The following GSE1 variants were observed in gnomAD, a reference collection of about 807,000 sequenced individuals.
GSE1 encodes the protein Gse1 coiled-coil protein, also known as genetic suppressor element 1.
Under a neutral mutation model 112.6 loss-of-function variants are expected in GSE1, and 32 were observed. That is an observed-to-expected ratio of 0.28 (90% CI 0.21 to 0.38). The LOEUF (loss-of-function observed/expected upper bound fraction) is 0.38, where lower values mean the gene tolerates loss of function less well. Among genes scored for constraint, GSE1 ranks in the 10% least tolerant of loss-of-function variants. The probability of loss-of-function intolerance (pLI) is 1.00; values close to 1 mark genes in which losing one functional copy is unlikely to be tolerated. For synonymous variants in GSE1, 1,115 were observed against 735.6 expected (o/e 1.52, Z -8.35); for missense variants, 2,348 against 1,699.2 (o/e 1.38, Z -6.71).
chr16:85,186,557 C>T (rs536188884), intron 1 of GSE1, among the ~76,000 whole-genome samples: 2 of 150,774 alleles, frequency 1.3e-5, no homozygotes, highest in African/African-American at 4.9e-5. Context: ...GAGCCGAGAT[C>T]GTGCCACTGT....
chr16:85,444,593 G>A (rs1464481318), intron 2 of GSE1, among the ~76,000 whole-genome samples: 2 of 152,190 alleles, frequency 1.3e-5, no homozygotes, highest in Non-Finnish European at 2.9e-5. Context: ...CAGCTTGGCA[G>A]TGCCCTGGTT....
intron 2 of GSE1, among the ~76,000 whole-genome samples, chr16:85,646,890 C>G (rs2151859107): frequency 9.7e-6 from 1 of 103,024 alleles, no homozygotes; most frequent in East Asian, 3.0e-4. Flanking sequence ...ATCCCCACAA[C>G]AAGGGGGGGG....
At chr16:85,608,939 T>C (rs1048120706), upstream of GSE1, among the ~76,000 whole-genome samples, 3 of 152,324 alleles carry the variant, frequency 2.0e-5, no homozygotes, top group Non-Finnish European at 4.4e-5. Context: ...GAGAAGGACC[T>C]TGGGTTAGGC....
chr16:85,184,173 G>A (rs891356788), intron 1 of GSE1, among the ~76,000 whole-genome samples: 5 of 152,172 alleles, frequency 3.3e-5, no homozygotes, highest in Admixed American at 2.6e-4. Flanking sequence ...TGGGGAACAG[G>A]AAGAGTCTTG....
At chr16:85,174,221 T>G (rs774410050) in intron 1 of GSE1, among the ~76,000 whole-genome samples, 10 of 152,154 alleles carry the variant, frequency 6.6e-5, no homozygotes, top group Non-Finnish European at 1.3e-4. Context: ...TGGAGTGAAC[T>G]CCAGGCCTTG....
At chr16:85,447,219 C>T (rs60537544) in intron 2 of GSE1, among the ~76,000 whole-genome samples, 3,052 of 152,228 alleles carry the variant, frequency 0.02, 81 homozygotes, top group African/African-American at 0.07. Context: ...GTGCAGCACC[C>T]CCAGCCCTCC....
Position 85,669,467 on chromosome 16 carries a change from T to TAGCCACAACCAGGA in GSE1, c.3415+1044_3415+1057dup, listed in dbSNP as rs1474412004. ...TCCAAACTAAAAACAAACGCCCATG[T>TAGCCACAACCAGGA]AGCCACAACCAGGACATCAAATCCC... On this transcript the variant is annotated intron_variant, in intron 14 of 15. Transcript: ENST00000253458. 7.9e-4 allele frequency among the ~76,000 whole-genome samples: 120 copies of TAGCCACAACCAGGA among 152,344 alleles called. 1 individual carries two copies. The highest frequency in any genetic ancestry group is 2.1e-4 in the South Asian group (1 of 4,830).
intron 2 of GSE1, among the ~76,000 whole-genome samples, chr16:85,390,453 C>T (rs1294780302): frequency 2.0e-5 from 3 of 152,148 alleles, no homozygotes; most frequent in African/African-American, 7.2e-5. Flanking sequence ...AGCCCTAATT[C>T]TAAGAGCTAG....
In GSE1 at chr16:85,311,950, C is replaced by T. The variant is rs147807959; in HGVS notation, c.2284-45513C>T. Among the ~76,000 whole-genome samples, 802 of 152,302 alleles carry T rather than the reference C, an allele frequency of 5.3e-3. 4 individuals are homozygous for T. The highest frequency in any genetic ancestry group is 0.014 in the Middle Eastern group (4 of 294). Reference sequence around the variant, plus strand: ...GCCCAGCACTGCCCAGCCCCAGCCCCGCACCACTGTCCTCATGTCTGGAGA... The same window carrying T: ...GCCCAGCACTGCCCAGCCCCAGCCCTGCACCACTGTCCTCATGTCTGGAGA... On this transcript the variant is annotated intron_variant, in intron 1 of 2. Transcript: ENST00000637419. The surrounding 1 kb of genome is among the most constrained non-coding windows in gnomAD (Gnocchi z 4.2).
chr16:85,177,427 G>T (rs1380751884), intron 1 of GSE1, among the ~76,000 whole-genome samples: 1 of 152,242 alleles, frequency 6.6e-6, no homozygotes, highest in Non-Finnish European at 1.5e-5. Flanking sequence ...CCTCGGAGAA[G>T]AGCGTTGCAG....
intron 1 of GSE1, among the ~76,000 whole-genome samples, chr16:85,273,062 C>T (rs1445858866): frequency 6.6e-6 from 1 of 152,206 alleles, no homozygotes; most frequent in Non-Finnish European, 1.5e-5. Flanking sequence ...AGGCGTGAGC[C>T]ACTGTGCCCA....
At chr16:85,464,586 G>T (rs1334533856) in intron 2 of GSE1, among the ~76,000 whole-genome samples, 1 of 152,212 alleles carries the variant, frequency 6.6e-6, no homozygotes, top group Non-Finnish European at 1.5e-5. Flanking sequence ...CCCCCGAGGG[G>T]TGATGGTCAT....
chr16:85,213,528 T>C (rs1381835704), intron 1 of GSE1, among the ~76,000 whole-genome samples: 1 of 152,236 alleles, frequency 6.6e-6, no homozygotes, highest in African/African-American at 2.4e-5. Flanking sequence ...TACTTTGTCA[T>C]TGCCATGCTT....
At chr16:85,195,436 C>T (rs1358633662) in intron 1 of GSE1, among the ~76,000 whole-genome samples, 2 of 152,182 alleles carry the variant, frequency 1.3e-5, no homozygotes, top group Non-Finnish European at 2.9e-5. Flanking sequence ...AGCAGCTTTG[C>T]AGCTTCCCAT....
intron 2 of GSE1, among the ~76,000 whole-genome samples, chr16:85,365,823 A>G (rs188727016): frequency 1.6e-4 from 25 of 152,290 alleles, no homozygotes; most frequent in Admixed American, 1.6e-3. Context: ...CAGTGTGCAT[A>G]CCTGGACTCC....
At chr16:85,217,045 T>C (rs781051123) in intron 1 of GSE1, among the ~76,000 whole-genome samples, 2 of 152,166 alleles carry the variant, frequency 1.3e-5, no homozygotes, top group African/African-American at 2.4e-5. Flanking sequence ...TGGCTTGGAT[T>C]TGGGGCCTTG....
rs117501324 is a variant in GSE1 at position 85,359,763 on chromosome 16, C to T, written c.2464+2120C>T. 8.6e-4 allele frequency among the ~76,000 whole-genome samples: 131 copies of T among 152,154 alleles called. 1 individual carries two copies. The highest frequency in any genetic ancestry group is 1.6e-3 in the Non-Finnish European group (111 of 67,990). Reference sequence around the variant, plus strand: ...GGGGCACGAACCCCGACGTCTGGCTCCCGCGCCGAACTCACCCTCGGCACA... The same window carrying T: ...GGGGCACGAACCCCGACGTCTGGCTTCCGCGCCGAACTCACCCTCGGCACA... On this transcript the variant is annotated intron_variant, in intron 2 of 2. Coordinates refer to the GSE1 transcript ENST00000637419.
At chr16:85,543,337 G>T (rs1194874726) in intron 2 of GSE1, among the ~76,000 whole-genome samples, 1 of 152,196 alleles carries the variant, frequency 6.6e-6, no homozygotes, top group Non-Finnish European at 1.5e-5. Flanking sequence ...CAGAGGGAAG[G>T]CTAAGTCATA....
At chr16:85,596,527 A>G (rs1322810229) in intron 1 of GSE1, among the ~76,000 whole-genome samples, 5 of 152,250 alleles carry the variant, frequency 3.3e-5, no homozygotes, top group Non-Finnish European at 5.9e-5. Context: ...ACCAAATATC[A>G]TAAACGTTGG....
Sources: gnomAD v4.1 joint callset for allele counts (sites outside exome capture counted in the v4.1 genomes callset) on GRCh38, gnomAD v4.1.1 for gene constraint, Gnocchi (gnomAD v3.1) non-coding constraint, MANE v1.5 for transcripts, NCBI Gene and HGNC (gene_info 2026-07-23, HGNC 2026-07-21) for gene names.